ZKSCAN8: variants seen among roughly 807,000 people sequenced by gnomAD.
The protein encoded by ZKSCAN8 is zinc finger protein with KRAB and SCAN domains 8.
ZKSCAN8 carries 27 observed loss-of-function variants against 57.2 expected under a neutral mutation model. That is an observed-to-expected ratio of 0.47 (90% CI 0.35 to 0.65). ZKSCAN8 has a LOEUF of 0.65. Ranked by LOEUF, ZKSCAN8 falls within the 30% of genes least tolerant of loss-of-function variation. ZKSCAN8 has a pLI of 0.01. For missense variants in ZKSCAN8, 597 were observed against 696.3 expected, an observed-to-expected ratio of 0.86 and a Z score of 1.60; for synonymous variants, 214 against 248.7, an observed-to-expected ratio of 0.86 and a Z score of 1.31.
Position 28,149,621 on chromosome 6 carries a change from A to G in ZKSCAN8, c.556A>G (p.Arg186Gly). 6.2e-7 allele frequency: 1 copy of G among 1,613,808 alleles called. No homozygotes were observed. The highest frequency in any genetic ancestry group is 8.5e-7 in the Non-Finnish European group (1 of 1,179,890). The stretch of plus-strand genomic sequence containing the variant: ...TCCAGTGCCCCAAGAGTCACAAGAG[A>G]GAGGTGAGTAGCCAGATTTCATTGA... ...KSPVPQESQE[R>G]AMSTSQSPTR... Residue 186 changes from arginine (R) to glycine (G), a missense_variant, in exon 3 of 6, where the codon AGA (arginine) becomes GGA (glycine). Arg to Gly is a moderately radical substitution (Grantham distance 125). Coordinates refer to ENST00000330236, the MANE Select transcript of ZKSCAN8 (RefSeq NM_006298.4).
chr6:28,152,550 T>C (rs930714173), intron 5 of ZKSCAN8, among the ~76,000 whole-genome samples, 166 bp downstream of exon 5: 1 of 149,484 alleles, frequency 6.7e-6, no homozygotes, highest in African/African-American at 2.5e-5. Context: ...AAACTTTTGT[T>C]CTCCTGTCCA....
In ZKSCAN8 at chr6:28,155,762, A is replaced by G. The variant is rs2113603075; in HGVS notation, c.*1745A>G. 1 of 172,890 alleles carries G rather than the reference A, an allele frequency of 5.8e-6. No homozygotes were observed. The highest frequency in any genetic ancestry group is 6.3e-5 in the Admixed American group (1 of 15,870). The allele number at this position is 172,890 out of a possible 1,614,324, so 10.7% of individuals were successfully genotyped here. On this transcript the variant is annotated 3_prime_UTR_variant, in exon 6 of 6. Transcript: ENST00000330236. ...ATAGAGGACCACCTTTTGGATCATAAATTCTTTCCCTATAACATTCCTTCT... is the reference window on the plus strand; with the variant it reads ...ATAGAGGACCACCTTTTGGATCATAGATTCTTTCCCTATAACATTCCTTCT...
intron 1 of ZKSCAN8, among the ~76,000 whole-genome samples, chr6:28,145,566 T>A (rs1258689106): frequency 1.3e-5 from 2 of 152,210 alleles, no homozygotes; most frequent in Admixed American, 6.5e-5. Flanking sequence ...ACCTGGTAGT[T>A]TAATAGAATA....
At position 28,153,117 on chromosome 6, in the gene ZKSCAN8, C is replaced by T. The variant is rs146221234; in HGVS notation, c.837C>T (p.Ile279=). 2 of 1,614,036 alleles carry T rather than the reference C, an allele frequency of 1.2e-6. No individual in the cohort carries two copies. The highest frequency in any genetic ancestry group is 8.5e-7 in the Non-Finnish European group (1 of 1,180,044). The change falls in exon 6 of 6, where the codon ATC becomes ATT. Residue 279 remains isoleucine (I), a synonymous_variant. Transcript: ENST00000330236. ...LASKQVISTG[I]QPHGETAAKC... ...CAAAACAGGTAATATCTACTGGAAT[C>T]CAGCCACATGGAGAGACAGCTGCCA...
At position 28,154,053 on chromosome 6, in the gene ZKSCAN8, A is replaced by G. The variant is rs759720008; in HGVS notation, c.*36A>G. ...AGTTAGAGTTTGAGCATTATTCAGC[A>G]TTAGGGAAACCACACACTGGTGAGA... On this transcript the variant is annotated 3_prime_UTR_variant, in exon 6 of 6. Coordinates refer to ENST00000330236, the MANE Select transcript of ZKSCAN8 (RefSeq NM_006298.4). 6.5e-7 allele frequency: 1 copy of G among 1,538,140 alleles called. No individual in the cohort carries two copies. Among genetic ancestry groups the G allele is most frequent in the Admixed American group, 2.0e-5 (1 of 49,094 alleles).
chr6:28,147,788 TAGG>T (rs775626075), intron 1 of ZKSCAN8, among the ~76,000 whole-genome samples: 1 of 152,156 alleles, frequency 6.6e-6, no homozygotes, highest in East Asian at 1.9e-4. Flanking sequence ...AACCTTGAGA[TAGG>T]AGGAAAGATG....
At position 28,148,480 on chromosome 6, in the gene ZKSCAN8, G is replaced by T; in HGVS notation, c.73G>T (p.Val25Phe). 1.2e-6 allele frequency: 2 copies of T among 1,614,082 alleles called. No homozygotes were observed. The highest frequency in any genetic ancestry group is 1.7e-6 in the Non-Finnish European group (2 of 1,180,004). Residue 25 changes from valine (V) to phenylalanine (F), a missense_variant, in exon 2 of 6, where the codon GTC (valine) becomes TTC (phenylalanine). Val to Phe is a conservative substitution (Grantham distance 50). Transcript: ENST00000330236. ...DQTPEEDLVIVKVEEDHGWDQ... is the reference protein window; with the variant it reads ...DQTPEEDLVIFKVEEDHGWDQ... ...GACTCCTGAAGAGGATCTTGTAATC[G>T]TCAAGGTAGAGGAGGATCATGGTTG...
At position 28,148,750 on chromosome 6, in the gene ZKSCAN8, C is replaced by G. The variant is rs1229371211; in HGVS notation, c.343C>G (p.Gln115Glu). The part of the protein sequence containing the change: ...EELQTLVKEH[Q>E]LENGEEVVTL... ...GCTCCAGACACTGGTTAAGGAACATCAGCTAGAGAACGGAGAGGAGGTGGT... is the reference window on the plus strand; with the variant it reads ...GCTCCAGACACTGGTTAAGGAACATGAGCTAGAGAACGGAGAGGAGGTGGT... Residue 115 changes from glutamine to glutamate, a missense_variant, in exon 2 of 6, where the codon CAG (glutamine) becomes GAG (glutamate). Gln to Glu is a conservative substitution (Grantham distance 29, BLOSUM62 2). Transcript: ENST00000330236. 3 of 1,614,150 alleles carry G rather than the reference C, an allele frequency of 1.9e-6. No homozygotes were observed. In the South Asian group the frequency reaches 3.3e-5, roughly 18 times the overall value.
chr6:28,141,902 A>T lies in ZKSCAN8; in HGVS notation c.-220A>T, dbSNP rs535557115. The T allele has an allele frequency of 2.0e-5, 3 of 152,794 alleles. No individual in the cohort carries two copies. Among genetic ancestry groups the T allele is most frequent in the Admixed American group, 2.0e-4 (3 of 15,310 alleles). The allele number at this position is 152,794 out of a possible 1,614,324, so 9.5% of individuals were successfully genotyped here. On this transcript the variant is annotated 5_prime_UTR_variant, in exon 1 of 6. Transcript: ENST00000330236. ...GCCGGTGTTGTGCCTCCGCAGATTT[A>T]GAAGTTAGTGGCCGGAGGGGCCTGG...
Position 28,153,100 on chromosome 6 carries a change from G to A in ZKSCAN8, c.820G>A (p.Val274Ile). 6 of 1,614,154 alleles carry A rather than the reference G, an allele frequency of 3.7e-6. No individual in the cohort carries two copies. Among genetic ancestry groups the A allele is most frequent in the Non-Finnish European group, 5.1e-6 (6 of 1,180,036 alleles). The change falls in exon 6 of 6, where the codon GTA becomes ATA. Residue 274 changes from valine to isoleucine, a missense_variant. Physicochemically the swap from Val to Ile is conservative, Grantham distance 29. Transcript: ENST00000330236. ...SENRELASKQ[V>I]ISTGIQPHGE... ...GAACAGGGAATTAGCTTCAAAACAGGTAATATCTACTGGAATCCAGCCACA... is the reference window on the plus strand; with the variant it reads ...GAACAGGGAATTAGCTTCAAAACAGATAATATCTACTGGAATCCAGCCACA...
chr6:28,158,249 C>A lies in ZKSCAN8; in HGVS notation c.*4232C>A, dbSNP rs2113608178. The A allele has an allele frequency of 6.6e-6, 1 of 152,110 alleles. No homozygotes were observed. The highest frequency in any genetic ancestry group is 6.6e-5 in the Admixed American group (1 of 15,266). 9.4% of individuals were successfully genotyped at this position (152,110 alleles called of 1,614,324 possible). ...TTAGTTGATCTTTCCACCCACTCCC[C>A]TTTCTCCTCTTCTCCACTGAGAATA... On this transcript the variant is annotated 3_prime_UTR_variant, in exon 6 of 6. Transcript: ENST00000330236.
In ZKSCAN8 at chr6:28,143,677, A is replaced by C. The variant is rs188706370; in HGVS notation, c.-93+1648A>C. Among the ~76,000 whole-genome samples the C allele has an allele frequency of 1.4e-3, 218 of 152,314 alleles. 6 individuals carry two copies. The highest frequency in any genetic ancestry group is 2.8e-4 in the Non-Finnish European group (19 of 68,018). On this transcript the variant is annotated intron_variant, in intron 1 of 5. Coordinates refer to ENST00000330236, the MANE Select transcript of ZKSCAN8 (RefSeq NM_006298.4). ...TAAAAATGAACCTTGGCTTTAAGGA[A>C]ATTTATAAGAAAACATGGTAAGACT...
chr6:28,156,405 A>G lies in ZKSCAN8; in HGVS notation c.*2388A>G. The G allele has an allele frequency of 2.5e-6, 1 of 393,396 alleles. No homozygotes were observed. The highest frequency in any genetic ancestry group is 4.5e-6 in the Non-Finnish European group (1 of 222,992). The allele number at this position is 393,396 out of a possible 1,614,324, so 24.4% of individuals were successfully genotyped here. A position where few individuals can be genotyped will look rare whatever the true frequency, so the allele number is the denominator to read the frequency against. ...GATTACTTAAATCTCAGAATTACTAAGCATGTGGCATAAATTTGGAGAAAA... is the reference window on the plus strand; with the variant it reads ...GATTACTTAAATCTCAGAATTACTAGGCATGTGGCATAAATTTGGAGAAAA... On this transcript the variant is annotated 3_prime_UTR_variant, in exon 6 of 6. Transcript: ENST00000330236.
Position 28,157,503 on chromosome 6 carries a change from C to G in ZKSCAN8, c.*3486C>G, listed in dbSNP as rs923074708. ...TGATTCTGACCCACACAGTTTGATT[C>G]TAGAGCCTGTTCTGACTACTGTGCT... On this transcript the variant is annotated 3_prime_UTR_variant, in exon 6 of 6. Coordinates refer to ENST00000330236, the MANE Select transcript of ZKSCAN8 (RefSeq NM_006298.4). 2.0e-5 allele frequency: 3 copies of G among 152,156 alleles called. No individual in the cohort carries two copies. The highest frequency in any genetic ancestry group is 2.9e-5 in the Non-Finnish European group (2 of 68,034). 9.4% of individuals were successfully genotyped at this position (152,156 alleles called of 1,614,324 possible). A position where few individuals can be genotyped will look rare whatever the true frequency, so the allele number is the denominator to read the frequency against.
chr6:28,153,419 G>C lies in ZKSCAN8; in HGVS notation c.1139G>C (p.Cys380Ser). 2 of 1,614,184 alleles carry C rather than the reference G, an allele frequency of 1.2e-6. No individual in the cohort carries two copies. Among genetic ancestry groups the C allele is most frequent in the Non-Finnish European group, 1.7e-6 (2 of 1,180,032 alleles). The change falls in exon 6 of 6, where the codon TGT (cysteine) becomes TCT (serine). Residue 380 changes from cysteine (C) to serine (S), a missense_variant. Physicochemically the swap from Cys to Ser is moderately radical, Grantham distance 112. Transcript: ENST00000330236. ...CACAACAAAGTAAAACGCTATCACT[G>C]TAAGGAGTGTGGCAAAGCCTTCAGT... ...DIHNKVKRYHCKECGKAFSQN... is the reference protein window; with the variant it reads ...DIHNKVKRYHSKECGKAFSQN...
chr6:28,153,203 G>A lies in ZKSCAN8; in HGVS notation c.923G>A (p.Arg308Lys). ...GAAGAAGCCCGAGACCTTCTGGGCA[G>A]ATTAGAGAGGCAGCGGGGAAATCCC... ...EHEEARDLLG[R>K]LERQRGNPTQ... The change falls in exon 6 of 6, where the codon AGA (arginine) becomes AAA (lysine). Residue 308 changes from arginine to lysine, a missense_variant. Physicochemically the swap from Arg to Lys is conservative, Grantham distance 26. Transcript: ENST00000330236. 1 of 1,614,200 alleles carries A rather than the reference G, an allele frequency of 6.2e-7. No individual in the cohort carries two copies.
In ZKSCAN8 at chr6:28,159,337, AAAATT is replaced by A. The variant is rs902395165; in HGVS notation, c.*5326_*5330del. The stretch of plus-strand genomic sequence containing the variant: ...CAGTTTCATATTTGTATTTATTTCC[AAAATT>A]AAATTGTAAGCTCCTTGAGGGCAGG... On this transcript the variant is annotated 3_prime_UTR_variant, in exon 6 of 6. Transcript: ENST00000330236. 6.6e-6 allele frequency: 1 copy of A among 152,216 alleles called. No individual in the cohort carries two copies. The highest frequency in any genetic ancestry group is 2.4e-5 in the African/African-American group (1 of 41,450). 9.4% of individuals were successfully genotyped at this position (152,216 alleles called of 1,614,324 possible). A position where few individuals can be genotyped will look rare whatever the true frequency, so the allele number is the denominator to read the frequency against.
chr6:28,154,729 T>G lies in ZKSCAN8; in HGVS notation c.*712T>G, dbSNP rs1022917795. 2 of 152,724 alleles carry G rather than the reference T, an allele frequency of 1.3e-5. No homozygotes were observed. Among genetic ancestry groups the G allele is most frequent in the African/African-American group, 4.8e-5 (2 of 41,432 alleles). 9.5% of individuals were successfully genotyped at this position (152,724 alleles called of 1,614,324 possible). ...TCACCACCCCCAGTCCCAGCACCTG[T>G]GTCAGTAAAGAAAGTGGACACATTA... On this transcript the variant is annotated 3_prime_UTR_variant, in exon 6 of 6. Transcript: ENST00000330236.
chr6:28,148,545 C>G lies in ZKSCAN8; in HGVS notation c.138C>G (p.Gly46=), dbSNP rs376159677. Residue 46 remains glycine (G), a synonymous_variant, in exon 2 of 6, where the codon GGC becomes GGG. Transcript: ENST00000330236. ...ESSLHESNPL[G]QEVFRLRFRQ... is the part of the protein sequence containing the mutation. ...GTCTGCATGAAAGTAACCCTCTTGG[C>G]CAAGAAGTGTTCCGCCTGCGCTTCA... is the stretch of plus-strand genomic sequence containing the variant. 6.2e-6 allele frequency: 10 copies of G among 1,614,008 alleles called. No homozygotes were observed. The highest frequency in any genetic ancestry group is 8.5e-6 in the Non-Finnish European group (10 of 1,180,038).
Sources: allele counts gnomAD v4.1 joint callset (sites outside exome capture counted in the v4.1 genomes callset), GRCh38; gene constraint gnomAD v4.1.1; transcripts MANE v1.5; gene names NCBI Gene and HGNC (gene_info 2026-07-23, HGNC 2026-07-21).